The following PCDH7 variants were observed in gnomAD, a reference collection of about 807,000 sequenced individuals.
PCDH7 encodes the protein protocadherin-7.
A neutral mutation model predicts 58.9 loss-of-function variants in PCDH7; 17 were observed. The observed-to-expected ratio is 0.29, with a 90% CI of 0.20 to 0.43. The LOEUF (loss-of-function observed/expected upper bound fraction) is 0.43, where lower values mean the gene tolerates loss of function less well. Among genes scored for constraint, PCDH7 ranks in the 20% least tolerant of loss-of-function variants. The probability of loss-of-function intolerance (pLI) is 1.00; values close to 1 mark genes in which losing one functional copy is unlikely to be tolerated. For missense variants in PCDH7, 1,274 were observed against 1,441.0 expected, an observed-to-expected ratio of 0.88 and a Z score of 1.88; for synonymous variants, 664 against 616.4, an observed-to-expected ratio of 1.08 and a Z score of -1.14.
At chr4:31,030,808 C>T (rs1203750562) in intron 3 of PCDH7, among the ~76,000 whole-genome samples, 2 of 152,102 alleles carry the variant, frequency 1.3e-5, no homozygotes, top group Non-Finnish European at 2.9e-5. Flanking sequence ...GAACATTAAT[C>T]ATGTTTTGCT....
chr4:30,899,097 T>C (rs1387366939), intron 1 of PCDH7, among the ~76,000 whole-genome samples: 1 of 152,164 alleles, frequency 6.6e-6, no homozygotes, highest in Non-Finnish European at 1.5e-5. Context: ...GGTGTGTGTG[T>C]TTATAGGATA....
Position 30,857,587 on chromosome 4 carries a change from G to C in PCDH7, c.71-62566G>C, listed in dbSNP as rs913768328. On this transcript the variant is annotated intron_variant, in intron 1 of 3. Coordinates refer to the PCDH7 transcript ENST00000509759. ...CTTAGTTCTTGGAATGTTAGAATTG[G>C]AGCCCAGACTCCTCATTTTAGGGAT... Among the ~76,000 whole-genome samples the C allele has an allele frequency of 4.6e-5, 7 of 152,148 alleles. No individual in the cohort carries two copies. The South Asian group carries it at 1.0e-3, about 23-fold the overall frequency.
intron 1 of PCDH7, among the ~76,000 whole-genome samples, chr4:30,830,965 A>G (rs1483646782): frequency 1.3e-5 from 2 of 152,050 alleles, no homozygotes; most frequent in Non-Finnish European, 2.9e-5. Context: ...ACTTCTCTCT[A>G]TTTGATATAA....
At chr4:31,126,559 G>T (rs550710790) in intron 3 of PCDH7, among the ~76,000 whole-genome samples, 15 of 152,248 alleles carry the variant, frequency 9.9e-5, no homozygotes, top group African/African-American at 3.6e-4. Flanking sequence ...CCAGTTTTGT[G>T]CAGTTAAGTC....
At chr4:30,970,125 G>A (rs528777489) in intron 3 of PCDH7, among the ~76,000 whole-genome samples, 69 of 152,264 alleles carry the variant, frequency 4.5e-4, no homozygotes, top group Non-Finnish European at 6.3e-4. Context: ...GCTGCTTCAT[G>A]TGAATTATAA....
At chr4:30,825,037 T>C (rs1728926976) in intron 1 of PCDH7, among the ~76,000 whole-genome samples, 1 of 152,092 alleles carries the variant, frequency 6.6e-6, no homozygotes, top group African/African-American at 2.4e-5. Context: ...GGTGAATAGA[T>C]GTGGATGTGT....
At chr4:30,827,511 C>G (rs1475957363) in intron 1 of PCDH7, among the ~76,000 whole-genome samples, 4 of 152,000 alleles carry the variant, frequency 2.6e-5, no homozygotes, top group African/African-American at 9.7e-5. Context: ...GGTCTTTGAA[C>G]AGTTACCTAG....
intron 3 of PCDH7, among the ~76,000 whole-genome samples, chr4:31,075,171 T>C (rs1237919430): frequency 1.3e-5 from 2 of 152,180 alleles, no homozygotes; most frequent in African/African-American, 4.8e-5. Context: ...TTTTTTGTTC[T>C]TGTTGCCTTA....
Position 30,864,093 on chromosome 4 carries a change from G to A in PCDH7, c.71-56060G>A, listed in dbSNP as rs572401428. Among the ~76,000 whole-genome samples, 27 of 151,828 alleles carry A rather than the reference G, an allele frequency of 1.8e-4. No homozygotes were observed. The East Asian group carries it at 4.1e-3, about 23-fold the overall frequency. ...GAATTCTGCAACCAGAGAGGAAGTT[G>A]GTTAATTATTCCAAGACCATCTCTT... On this transcript the variant is annotated intron_variant, in intron 1 of 3. Coordinates refer to the PCDH7 transcript ENST00000509759.
At chr4:31,058,746 T>G (rs997394521) in intron 3 of PCDH7, among the ~76,000 whole-genome samples, 2 of 152,072 alleles carry the variant, frequency 1.3e-5, no homozygotes, top group African/African-American at 2.4e-5. Flanking sequence ...GCAAACCTAA[T>G]AAACACTCTC....
intron 3 of PCDH7, among the ~76,000 whole-genome samples, chr4:30,980,399 T>C (rs2109109335): frequency 1.3e-5 from 2 of 152,356 alleles, no homozygotes; most frequent in South Asian, 4.1e-4. Flanking sequence ...TGTTTTTGGT[T>C]TTGTTTTTGT....
intron 3 of PCDH7, among the ~76,000 whole-genome samples, chr4:31,125,751 A>G (rs1053266478): frequency 2.0e-5 from 3 of 152,236 alleles, no homozygotes; most frequent in Admixed American, 2.0e-4. Context: ...AGTTTGCTCA[A>G]CTGCAGGCTA....
intron 1 of PCDH7, among the ~76,000 whole-genome samples, chr4:30,823,177 C>G (rs1560406385): frequency 6.6e-6 from 1 of 152,100 alleles, no homozygotes; most frequent in Non-Finnish European, 1.5e-5. Context: ...ACATGGTTGG[C>G]TTAACAACTT....
At chr4:31,008,202 CCAA>C (rs770405503) in intron 3 of PCDH7, among the ~76,000 whole-genome samples, 1 of 151,958 alleles carries the variant, frequency 6.6e-6, no homozygotes, top group Non-Finnish European at 1.5e-5. Flanking sequence ...CAGAGAGGTG[CCAA>C]CATTTTCTTC....
chr4:30,937,017 G>A (rs751655178), intron 2 of PCDH7, among the ~76,000 whole-genome samples: 8 of 140,166 alleles, frequency 5.7e-5, no homozygotes, highest in Non-Finnish European at 9.5e-5. Context: ...CCAAGGTAGG[G>A]AGGATGCTTA....
Position 30,837,360 on chromosome 4 carries a change from T to A in PCDH7, c.71-82793T>A, listed in dbSNP as rs183895394. Among the ~76,000 whole-genome samples, 157 of 151,926 alleles carry A rather than the reference T, an allele frequency of 1.0e-3. 1 individual carries two copies. The highest frequency in any genetic ancestry group is 3.1e-4 in the Non-Finnish European group (21 of 67,960). Reference sequence around the variant, plus strand: ...AGGAGACAAGCATGCAGAGAGAGAATGATTAATGTAAGCCCTTCTGTAACT... The same window carrying A: ...AGGAGACAAGCATGCAGAGAGAGAAAGATTAATGTAAGCCCTTCTGTAACT... On this transcript the variant is annotated intron_variant, in intron 1 of 3. Transcript: ENST00000509759.
At chr4:31,097,773 T>C (rs937888162) in intron 3 of PCDH7, among the ~76,000 whole-genome samples, 1 of 151,472 alleles carries the variant, frequency 6.6e-6, no homozygotes, top group Non-Finnish European at 1.5e-5. Flanking sequence ...TCAGGCTAGC[T>C]CTGCCTTTTT....
chr4:31,026,758 A>G (rs529807774), intron 3 of PCDH7, among the ~76,000 whole-genome samples: 1 of 152,276 alleles, frequency 6.6e-6, no homozygotes, highest in Admixed American at 6.5e-5. Context: ...TTGGGGGGAA[A>G]AAACCTGCAC....
chr4:30,866,592 AAATGAAGTG>A (rs1288867896), intron 1 of PCDH7, among the ~76,000 whole-genome samples: 2 of 152,072 alleles, frequency 1.3e-5, no homozygotes, highest in Non-Finnish European at 2.9e-5. Flanking sequence ...CATTACTGTG[AAATGAAGTG>A]ACTGGATATT....
Sources: allele counts gnomAD v4.1 joint callset (sites outside exome capture counted in the v4.1 genomes callset), GRCh38; gene constraint gnomAD v4.1.1; transcripts MANE v1.5; gene names NCBI Gene and HGNC (gene_info 2026-07-23, HGNC 2026-07-21).